Variants in DNER observed in about 807,000 individuals in gnomAD.
DNER encodes delta and Notch-like epidermal growth factor-related receptor.
DNER carries 33 observed loss-of-function variants against 78.2 expected under a neutral mutation model. The observed-to-expected ratio is 0.42, with a 90% CI of 0.32 to 0.56. DNER has a LOEUF of 0.56. DNER is among the 20% of genes least tolerant of loss of function. DNER has a pLI of 0.11. For missense variants in DNER, 918 were observed against 975.3 expected (o/e 0.94, Z 0.78); for synonymous variants, 417 against 384.8 (o/e 1.08, Z -0.98).
At chr2:229,428,226 A>T (rs1056618587) in intron 8 of DNER, among the ~76,000 whole-genome samples, 2 of 152,128 alleles carry the variant, frequency 1.3e-5, no homozygotes, top group African/African-American at 4.8e-5. Context: ...GAGAATGGGG[A>T]TAAGACCTGC....
Position 229,401,843 on chromosome 2 carries a change from G to T in DNER, c.1723+5389C>A, listed in dbSNP as rs1461295763. Among the ~76,000 whole-genome samples, 7 of 152,170 alleles carry T rather than the reference G, an allele frequency of 4.6e-5. No individual in the cohort carries two copies. In the East Asian group the frequency reaches 1.4e-3, roughly 29 times the overall value. On this transcript the variant is annotated intron_variant, in intron 10 of 12. Coordinates refer to ENST00000341772, the MANE Select transcript of DNER (RefSeq NM_139072.4). ...CTCAAACTAAAATTTTGAAAAACTAGCCAGAGAAAAATAGACCCATATATA... is the reference window on the plus strand; with the variant it reads ...CTCAAACTAAAATTTTGAAAAACTATCCAGAGAAAAATAGACCCATATATA...
At chr2:229,480,160 A>C (rs1055796889) in intron 6 of DNER, among the ~76,000 whole-genome samples, 9 of 152,360 alleles carry the variant, frequency 5.9e-5, no homozygotes, top group African/African-American at 2.2e-4. Context: ...CCAAGGATTT[A>C]AAACATACTT....
Position 229,366,750 on chromosome 2 carries a change from G to T in DNER, c.2102+123C>A, listed in dbSNP as rs1429877293. ...ATGATCTATCCCCAAATACAATGTG[G>T]AACCTATTTTCCATTCTTTAAAATC... On this transcript the variant is annotated intron_variant, in intron 12 of 12. Transcript: ENST00000341772. 3 of 1,437,830 alleles carry T rather than the reference G, an allele frequency of 2.1e-6. No homozygotes were observed. In the African/African-American group the frequency reaches 4.2e-5, roughly 20 times the overall value. 89.1% of individuals were successfully genotyped at this position (1,437,830 alleles called of 1,614,324 possible). A position where few individuals can be genotyped will look rare whatever the true frequency, so the allele number is the denominator to read the frequency against.
chr2:229,512,904 G>T lies in DNER; in HGVS notation c.1026C>A (p.Tyr342Ter). ...CGTATTCTTCACAGAAAGTACCCAC[G>T]TACTGCTCCTCACAGGTACAGGAAA... is the stretch of plus-strand genomic sequence containing the variant. The part of the protein sequence containing the change: ...ATFSCTCEEQ[Y>*]VGTFCEEYDA... The change falls in exon 6 of 13, where the codon TAC becomes TAA. Residue 342 changes from tyrosine to a stop codon, truncating the protein, a stop_gained. Transcript: ENST00000341772. LOFTEE classifies it high-confidence loss of function. The T allele has an allele frequency of 1.2e-6, 2 of 1,614,034 alleles. No individual in the cohort carries two copies. The highest frequency in any genetic ancestry group is 1.7e-6 in the Non-Finnish European group (2 of 1,179,966).
chr2:229,658,462 C>T (rs1381755428), intron 1 of DNER, among the ~76,000 whole-genome samples: 1 of 152,164 alleles, frequency 6.6e-6, no homozygotes, highest in African/African-American at 2.4e-5. Context: ...AGTGAGACTT[C>T]TCTCTGGCAA....
At chr2:229,642,931 T>G (rs1016568906) in intron 1 of DNER, among the ~76,000 whole-genome samples, 1 of 152,024 alleles carries the variant, frequency 6.6e-6, no homozygotes, top group African/African-American at 2.4e-5. Flanking sequence ...GCTTAAAAAA[T>G]AATACTAAGG....
At position 229,585,930 on chromosome 2, in the gene DNER, T is replaced by A. The variant is rs72987941; in HGVS notation, c.775A>T (p.Thr259Ser). ...AGTCCCCCTGAAGCCTGAAGGGGGG[T>A]CACACTTCGTCCATCTATGAGGGAG... ...QCSLIDGRSV[T>S]PLQASGGLVL... is the part of the protein sequence containing the mutation. The change falls in exon 4 of 13, where the codon ACC (threonine) becomes TCC (serine). Residue 259 changes from threonine (T) to serine (S), a missense_variant. Coordinates refer to ENST00000341772, the MANE Select transcript of DNER (RefSeq NM_139072.4). The A allele has an allele frequency of 0.019, 29,970 of 1,613,798 alleles. 346 individuals carry two copies. Among genetic ancestry groups the A allele is most frequent in the Non-Finnish European group, 0.022 (26,084 of 1,179,934 alleles).
At chr2:229,543,220 A>G (rs1021087061) in intron 5 of DNER, among the ~76,000 whole-genome samples, 2 of 152,216 alleles carry the variant, frequency 1.3e-5, no homozygotes, top group African/African-American at 4.8e-5. Context: ...GCTGCCTCTG[A>G]AAGGATCTGC....
At chr2:229,422,620 A>G in intron 8 of DNER, among the ~76,000 whole-genome samples, 1 of 152,104 alleles carries the variant, frequency 6.6e-6, no homozygotes, top group East Asian at 1.9e-4. Flanking sequence ...TTAGAAGAAG[A>G]CCAGTTTAAC....
chr2:229,683,629 G>A (rs571022136), intron 1 of DNER, among the ~76,000 whole-genome samples: 19 of 152,238 alleles, frequency 1.2e-4, no homozygotes, highest in East Asian at 1.9e-4. Context: ...AATGATGATG[G>A]TGACGATGAT....
chr2:229,543,587 C>T (rs1696558352), intron 5 of DNER, among the ~76,000 whole-genome samples: 1 of 152,126 alleles, frequency 6.6e-6, no homozygotes, highest in Non-Finnish European at 1.5e-5. Context: ...GCTAATCAGA[C>T]CTCAAAATTA....
intron 7 of DNER, among the ~76,000 whole-genome samples, chr2:229,449,398 T>C (rs1694405630): frequency 6.6e-6 from 1 of 152,212 alleles, no homozygotes; most frequent in Admixed American, 6.5e-5. Context: ...GCAGCATAGC[T>C]GCTTAAAATA....
intron 11 of DNER, among the ~76,000 whole-genome samples, chr2:229,387,860 A>G (rs937150639): frequency 9.9e-6 from 1 of 101,118 alleles, no homozygotes; most frequent in African/African-American, 5.0e-5. Flanking sequence ...GGTAATTTGC[A>G]TTCTGTGTGT....
chr2:229,589,372 C>A (rs1304606774), intron 2 of DNER, among the ~76,000 whole-genome samples: 2 of 152,162 alleles, frequency 1.3e-5, no homozygotes, highest in Non-Finnish European at 2.9e-5. Context: ...TTAAGCCCAC[C>A]ACTGATATTC....
At position 229,392,213 on chromosome 2, in the gene DNER, G is replaced by A. The variant is rs571267972; in HGVS notation, c.1724-3817C>T. ...TTTCTAACTTTTTTTTATCATGATG[G>A]AATAACTGGCACCTGTCTTGCCTTC... On this transcript the variant is annotated intron_variant, in intron 10 of 12. Transcript: ENST00000341772. Among the ~76,000 whole-genome samples the A allele has an allele frequency of 6.0e-5, 9 of 150,290 alleles. No homozygotes were observed. The East Asian group carries it at 1.8e-3, about 29-fold the overall frequency.
chr2:229,564,494 ACCATCACCATCATCATCATCCTCCTTACC>A (rs1697058954), intron 4 of DNER, among the ~76,000 whole-genome samples: 1 of 88,172 alleles, frequency 1.1e-5, no homozygotes, highest in African/African-American at 4.6e-5. Flanking sequence ...TCATCATCAC[ACCATCACCATCATCATCATCCTCCTTACC>A]CCATCACCAT....
At chr2:229,569,728 G>T (rs1697182442) in intron 4 of DNER, among the ~76,000 whole-genome samples, 1 of 151,710 alleles carries the variant, frequency 6.6e-6, no homozygotes, top group Non-Finnish European at 1.5e-5. Flanking sequence ...CATTATTATT[G>T]TTTATTTTTT....
At chr2:229,514,709 C>T (rs1457764373) in intron 5 of DNER, among the ~76,000 whole-genome samples, 1 of 152,162 alleles carries the variant, frequency 6.6e-6, no homozygotes, top group Non-Finnish European at 1.5e-5. Flanking sequence ...CAACAGATTT[C>T]TTTTCTAAGA....
In DNER at chr2:229,656,283, A is replaced by G. The variant is rs746059158; in HGVS notation, c.276+57865T>C. 5.5e-4 allele frequency among the ~76,000 whole-genome samples: 84 copies of G among 152,202 alleles called. 1 individual carries two copies. The highest frequency in any genetic ancestry group is 7.9e-4 in the Non-Finnish European group (54 of 68,040). ...TTTCAGATTGAAGAGACCTAGGCTGAATCCAGATTCTGACAATTACTCACA... is the reference window on the plus strand; with the variant it reads ...TTTCAGATTGAAGAGACCTAGGCTGGATCCAGATTCTGACAATTACTCACA... On this transcript the variant is annotated intron_variant, in intron 1 of 12. Transcript: ENST00000341772.
Sources: allele counts gnomAD v4.1 joint callset (sites outside exome capture counted in the v4.1 genomes callset), GRCh38; gene constraint gnomAD v4.1.1; transcripts MANE v1.5; gene names NCBI Gene and HGNC (gene_info 2026-07-23, HGNC 2026-07-21).